EXOC6B: variants seen among roughly 807,000 people sequenced by gnomAD.
EXOC6B encodes exocyst complex component 6B, also known as SEC15 homolog B.
Under a neutral mutation model 113.5 loss-of-function variants are expected in EXOC6B, and 54 were observed. That is an observed-to-expected ratio of 0.48 (90% CI 0.38 to 0.60). The LOEUF (loss-of-function observed/expected upper bound fraction) is 0.60, where lower values mean the gene tolerates loss of function less well. Ranked by LOEUF, EXOC6B falls within the 20% of genes least tolerant of loss-of-function variation. The pLI is 0.00. For synonymous variants in EXOC6B, 357 were observed against 339.0 expected, an observed-to-expected ratio of 1.05 and a Z score of -0.58; for missense variants, 797 against 977.5, an observed-to-expected ratio of 0.82 and a Z score of 2.46.
chr2:72,233,320 C>A (rs1206987851), intron 20 of EXOC6B, among the ~76,000 whole-genome samples: 2 of 152,002 alleles, frequency 1.3e-5, no homozygotes, highest in African/African-American at 4.8e-5. Context: ...ACCCTGCAGG[C>A]CAATCACCTG....
chr2:72,526,031 C>A (rs1368347815), intron 8 of EXOC6B, among the ~76,000 whole-genome samples: 1 of 152,042 alleles, frequency 6.6e-6, no homozygotes, highest in African/African-American at 2.4e-5. Flanking sequence ...TTCACACTTG[C>A]CAATTTTTAA....
At chr2:72,541,011 C>T (rs1406706482) in intron 8 of EXOC6B, among the ~76,000 whole-genome samples, 2 of 152,056 alleles carry the variant, frequency 1.3e-5, no homozygotes, top group African/African-American at 4.8e-5. Context: ...TTGGTTGTGT[C>T]CCCACCAAAA....
chr2:72,453,098 G>T (rs1209698257), intron 18 of EXOC6B, among the ~76,000 whole-genome samples: 1 of 152,016 alleles, frequency 6.6e-6, no homozygotes, highest in East Asian at 1.9e-4. Context: ...TATATGCTTT[G>T]GAATTAGGGA....
intron 6 of EXOC6B, among the ~76,000 whole-genome samples, chr2:72,672,201 CAAAAAAAAAAA>C (rs61678584): frequency 9.4e-6 from 1 of 105,850 alleles, no homozygotes; most frequent in African/African-American, 3.5e-5. Flanking sequence ...GGTATATATC[CAAAAAAAAAAA>C]AAAAAAAGAT....
chr2:72,380,612 GGACA>G (rs1366416330), intron 18 of EXOC6B, among the ~76,000 whole-genome samples: 1 of 151,946 alleles, frequency 6.6e-6, no homozygotes, highest in African/African-American at 2.4e-5. Context: ...CCAGCCTGGG[GGACA>G]GAGAGAGACT....
intron 8 of EXOC6B, among the ~76,000 whole-genome samples, chr2:72,532,880 CA>C (rs1558769121): frequency 6.6e-6 from 1 of 151,936 alleles, no homozygotes; most frequent in African/African-American, 2.4e-5. Flanking sequence ...TTTGTGACTA[CA>C]GACATAGTAG....
chr2:72,255,152 G>A (rs1000607713), intron 20 of EXOC6B, among the ~76,000 whole-genome samples: 2 of 152,144 alleles, frequency 1.3e-5, no homozygotes, highest in Non-Finnish European at 2.9e-5. Context: ...AAACAGATGG[G>A]GTTATCCGGT....
chr2:72,630,078 T>C (rs1411513308), intron 6 of EXOC6B, among the ~76,000 whole-genome samples: 1 of 152,202 alleles, frequency 6.6e-6, no homozygotes, highest in Non-Finnish European at 1.5e-5. Flanking sequence ...AGTAGCATTA[T>C]ATAGGCCAAG....
intron 20 of EXOC6B, among the ~76,000 whole-genome samples, chr2:72,205,197 A>G (rs915949861): frequency 6.6e-6 from 1 of 152,136 alleles, no homozygotes; most frequent in Non-Finnish European, 1.5e-5. Context: ...TTGTTCTTTG[A>G]GCTGCTATGA....
chr2:72,348,162 A>C (rs897715658), intron 19 of EXOC6B, among the ~76,000 whole-genome samples: 3 of 152,158 alleles, frequency 2.0e-5, no homozygotes, highest in Admixed American at 1.3e-4. Context: ...TTGTAGGCTC[A>C]CAGGTAGAAG....
chr2:72,549,179 G>A (rs893246099), intron 8 of EXOC6B, among the ~76,000 whole-genome samples: 21 of 151,996 alleles, frequency 1.4e-4, no homozygotes, highest in Non-Finnish European at 1.2e-4. Flanking sequence ...ATGGAAGACC[G>A]TCTATACTTT....
At chr2:72,496,663 T>C in intron 13 of EXOC6B, 104 bp from the exon 14 acceptor site, 1 of 711,352 alleles carries the variant, frequency 1.4e-6, no homozygotes, top group South Asian at 1.5e-5. Context: ...ATTTTTCTGA[T>C]GAACTCCAAT....
chr2:72,577,868 G>A (rs1255147585), intron 6 of EXOC6B, among the ~76,000 whole-genome samples: 2 of 152,002 alleles, frequency 1.3e-5, no homozygotes, highest in South Asian at 4.1e-4. Context: ...ATGGAATAGA[G>A]GGAGAGGGGT....
At chr2:72,419,933 T>C (rs1172786191) in intron 18 of EXOC6B, among the ~76,000 whole-genome samples, 1 of 152,180 alleles carries the variant, frequency 6.6e-6, no homozygotes, top group Non-Finnish European at 1.5e-5. Flanking sequence ...ATGTGCATAA[T>C]AGTCGGCTTG....
intron 1 of EXOC6B, among the ~76,000 whole-genome samples, chr2:72,797,830 ATTAAT>A (rs1685055376): frequency 6.7e-6 from 1 of 150,220 alleles, no homozygotes; most frequent in Non-Finnish European, 1.5e-5. Flanking sequence ...TAATTAATTA[ATTAAT>A]TAATAATAAT....
intron 6 of EXOC6B, among the ~76,000 whole-genome samples, chr2:72,613,115 G>C (rs901293387): frequency 6.6e-6 from 1 of 152,032 alleles, no homozygotes; most frequent in Non-Finnish European, 1.5e-5. Flanking sequence ...TAAATATTTC[G>C]ATGTATTTTT....
rs980649983 is a variant in EXOC6B at position 72,465,203 on chromosome 2, A to G, written c.1937T>C (p.Ile646Thr). The G allele has an allele frequency of 3.1e-6, 5 of 1,612,220 alleles. No individual in the cohort carries two copies. Among genetic ancestry groups the G allele is most frequent in the African/African-American group, 1.3e-5 (1 of 74,924 alleles). The change falls in exon 18 of 22, where the codon ATT becomes ACT. Residue 646 changes from isoleucine (I) to threonine (T), a missense_variant. Ile to Thr is a moderately conservative substitution (Grantham distance 89). Coordinates refer to ENST00000272427, the MANE Select transcript of EXOC6B (RefSeq NM_015189.3). ...AGCAAAGGTGCTACGAAGAAAGGCA[A>G]TGAGGTCTACCAGGTAATCACTAGC... ...NKASDYLVDL[I>T]AFLRSTFAVF...
chr2:72,266,070 T>C (rs1573127384), intron 20 of EXOC6B, among the ~76,000 whole-genome samples: 1 of 152,260 alleles, frequency 6.6e-6, no homozygotes, highest in East Asian at 1.9e-4. Context: ...AAGTGTCTGT[T>C]CATATCCTTT....
chr2:72,276,021 AG>A (rs1229945728), intron 20 of EXOC6B, among the ~76,000 whole-genome samples: 2 of 152,138 alleles, frequency 1.3e-5, no homozygotes, highest in Non-Finnish European at 1.5e-5. Flanking sequence ...TGAAGGAAGT[AG>A]GGAGTGGGGG....
Sources: allele counts gnomAD v4.1 joint callset (sites outside exome capture counted in the v4.1 genomes callset), GRCh38; gene constraint gnomAD v4.1.1; transcripts MANE v1.5; gene names NCBI Gene and HGNC (gene_info 2026-07-23, HGNC 2026-07-21).